KIF6: variants seen among roughly 807,000 people sequenced by gnomAD.
The protein encoded by KIF6 is kinesin family member 6, also known as kinesin-like protein KIF6.
Under a neutral mutation model 112.7 loss-of-function variants are expected in KIF6, and 106 were observed. The ratio of observed to expected loss-of-function variants is 0.94; its 90% CI spans 0.80 to 1.11. The LOEUF (loss-of-function observed/expected upper bound fraction) is 1.11. Ranked by LOEUF, KIF6 falls within the 50% of genes least tolerant of loss-of-function variation. The probability of loss-of-function intolerance (pLI) is 0.00; values close to 1 mark genes in which losing one functional copy is unlikely to be tolerated. For synonymous variants in KIF6, 339 were observed against 339.9 expected (o/e 1.00, Z 0.03); for missense variants, 929 against 964.0 (o/e 0.96, Z 0.48).
Position 39,477,717 on chromosome 6 carries a change from G to A in KIF6, c.1646-46556C>T, listed in dbSNP as rs952192009. On this transcript the variant is annotated intron_variant, in intron 13 of 22. Coordinates refer to ENST00000287152, the MANE Select transcript of KIF6 (RefSeq NM_145027.6). ...CTCTACTAAAAATACAAAAATTAGC[G>A]GGGCGTGGTGGCGCACTTCTGTAGT... Among the ~76,000 whole-genome samples, 4 of 151,824 alleles carry A rather than the reference G, an allele frequency of 2.6e-5. No individual in the cohort carries two copies. In the South Asian group the frequency reaches 6.2e-4, roughly 24 times the overall value.
chr6:39,397,287 G>A (rs1768343543), intron 15 of KIF6, among the ~76,000 whole-genome samples: 1 of 152,118 alleles, frequency 6.6e-6, no homozygotes, highest in Non-Finnish European at 1.5e-5. Flanking sequence ...TTTTTAAAAA[G>A]CTTGCTTGAA....
chr6:39,534,193 T>G lies in KIF6; in HGVS notation c.1645+5810A>C, dbSNP rs1391587730. Among the ~76,000 whole-genome samples, 7 of 151,990 alleles carry G rather than the reference T, an allele frequency of 4.6e-5. 1 individual carries two copies. The highest frequency in any genetic ancestry group is 1.2e-4 in the African/African-American group (5 of 41,348). ...AAGGAACGCAGTTCCTCACCAGCAA[T>G]GGAACAAAGCTGGACGGAGAATGAC... On this transcript the variant is annotated intron_variant, in intron 13 of 22. Transcript: ENST00000287152.
At chr6:39,460,525 A>T (rs1300215773) in intron 13 of KIF6, among the ~76,000 whole-genome samples, 33 of 140,668 alleles carry the variant, frequency 2.3e-4, no homozygotes, top group African/African-American at 4.0e-4. Flanking sequence ...AAAGTATAAT[A>T]AAAAAAAAAG....
chr6:39,582,037 T>A (rs573510117), intron 9 of KIF6, among the ~76,000 whole-genome samples: 27 of 152,318 alleles, frequency 1.8e-4, no homozygotes, highest in African/African-American at 3.1e-4. Flanking sequence ...GCTTCTTTTT[T>A]AAAAATATTC....
At chr6:39,635,532 C>T (rs2150759943) in intron 4 of KIF6, among the ~76,000 whole-genome samples, 1 of 152,188 alleles carries the variant, frequency 6.6e-6, no homozygotes, top group Admixed American at 6.5e-5. Flanking sequence ...TAATAGTTCA[C>T]TGCCAATACC....
At chr6:39,415,942 C>CCT (rs1204991329) in intron 15 of KIF6, among the ~76,000 whole-genome samples, 1 of 152,182 alleles carries the variant, frequency 6.6e-6, no homozygotes. Context: ...TCTTTCTTTG[C>CCT]CTCTCACTAA....
intron 12 of KIF6, among the ~76,000 whole-genome samples, chr6:39,542,066 G>A (rs951384059): frequency 2.6e-5 from 4 of 152,314 alleles, no homozygotes; most frequent in East Asian, 3.9e-4. Flanking sequence ...AATGAGGTCC[G>A]TGGGGGAGGG....
chr6:39,422,308 C>A (rs946684492), intron 14 of KIF6, among the ~76,000 whole-genome samples: 1 of 152,134 alleles, frequency 6.6e-6, no homozygotes, highest in African/African-American at 2.4e-5. Flanking sequence ...GTCTGGGGGG[C>A]CTGGCAGAGG....
intron 3 of KIF6, among the ~76,000 whole-genome samples, chr6:39,655,405 C>T (rs1047757255): frequency 2.0e-5 from 3 of 152,024 alleles, no homozygotes; most frequent in Non-Finnish European, 4.4e-5. Flanking sequence ...CAGATAGTAG[C>T]TTACCTTTTA....
At chr6:39,555,873 GAGCCTGGGA>G (rs1779678490) in intron 10 of KIF6, among the ~76,000 whole-genome samples, 2 of 149,802 alleles carry the variant, frequency 1.3e-5, no homozygotes, top group Admixed American at 6.7e-5. Context: ...AGAATCACTT[GAGCCTGGGA>G]GGCAGAGATT....
intron 13 of KIF6, among the ~76,000 whole-genome samples, chr6:39,445,678 A>G (rs1772263644): frequency 6.6e-6 from 1 of 152,228 alleles, no homozygotes; most frequent in Admixed American, 6.5e-5. Flanking sequence ...GCGGGTGGTC[A>G]GATTGCAGAA....
chr6:39,610,894 A>G (rs2150715613), intron 6 of KIF6, among the ~76,000 whole-genome samples: 1 of 152,366 alleles, frequency 6.6e-6, no homozygotes, highest in Admixed American at 6.5e-5. Context: ...CAGGCTTTAC[A>G]TAGGAAAAAT....
intron 13 of KIF6, among the ~76,000 whole-genome samples, chr6:39,522,706 C>T (rs1777465675): frequency 6.6e-6 from 1 of 152,216 alleles, no homozygotes; most frequent in Non-Finnish European, 1.5e-5. Context: ...ACATCCATCT[C>T]CTTCAAACTC....
At chr6:39,613,525 T>C (rs1327514773) in intron 5 of KIF6, among the ~76,000 whole-genome samples, 2 of 152,150 alleles carry the variant, frequency 1.3e-5, no homozygotes, top group African/African-American at 2.4e-5. Context: ...GACTGAAAAA[T>C]ATATTACAAG....
intron 3 of KIF6, among the ~76,000 whole-genome samples, chr6:39,684,224 G>A (rs191577040): frequency 2.6e-5 from 4 of 152,250 alleles, no homozygotes; most frequent in East Asian, 3.9e-4. Flanking sequence ...AGAGTAGGCC[G>A]GGTGCAGGGG....
intron 15 of KIF6, among the ~76,000 whole-genome samples, chr6:39,395,619 G>T (rs1768208073): frequency 6.6e-6 from 1 of 152,160 alleles, no homozygotes; most frequent in Non-Finnish European, 1.5e-5. Context: ...GGGGGTGAGG[G>T]CAGGGCCCAG....
At chr6:39,572,821 C>CAAA (rs1288192738) in intron 10 of KIF6, among the ~76,000 whole-genome samples, 1 of 150,710 alleles carries the variant, frequency 6.6e-6, no homozygotes, top group African/African-American at 2.4e-5. Context: ...CCCCACCCCC[C>CAAA]AAAAAAGATG....
chr6:39,380,730 T>C (rs996572977), intron 16 of KIF6, among the ~76,000 whole-genome samples: 1 of 151,994 alleles, frequency 6.6e-6, no homozygotes, highest in Non-Finnish European at 1.5e-5. Context: ...ACCAGTATGA[T>C]CTCGCTAAAT....
At chr6:39,440,618 C>T (rs1162285966) in intron 13 of KIF6, among the ~76,000 whole-genome samples, 1 of 150,768 alleles carries the variant, frequency 6.6e-6, no homozygotes, top group Non-Finnish European at 1.5e-5. Flanking sequence ...GTCTTCTCTC[C>T]CCTCTCTTCT....
Sources: allele counts gnomAD v4.1 joint callset (sites outside exome capture counted in the v4.1 genomes callset), GRCh38; gene constraint gnomAD v4.1.1; transcripts MANE v1.5; gene names NCBI Gene and HGNC (gene_info 2026-07-23, HGNC 2026-07-21).